Variants in MTMR9 observed in about 807,000 individuals in gnomAD.
MTMR9 encodes myotubularin-related protein 9.
Under a neutral mutation model 69.5 loss-of-function variants are expected in MTMR9, and 39 were observed. The ratio of observed to expected loss-of-function variants is 0.56; its 90% CI spans 0.43 to 0.73. MTMR9 has a LOEUF of 0.73. Among genes scored for constraint, MTMR9 ranks in the 30% least tolerant of loss-of-function variants. The probability of loss-of-function intolerance (pLI) is 0.00; values close to 1 mark genes in which losing one functional copy is unlikely to be tolerated. For missense variants in MTMR9, 900 were observed against 671.2 expected, an observed-to-expected ratio of 1.34 and a Z score of -3.77; for synonymous variants, 354 against 240.8, an observed-to-expected ratio of 1.47 and a Z score of -4.35.
rs1378118508 is a variant in MTMR9, at chr8:11,314,920, C to A, written c.972-3C>A. ...TTGTACTCTTCCCTGATTTTCCTAT[C>A]AGGGAAGGAGCATCAATATTGATTC... On this transcript the variant is annotated splice_polypyrimidine_tract_variant and splice_region_variant and intron_variant, in intron 6 of 9. Transcript: ENST00000221086. 6.2e-7 allele frequency: 1 copy of A among 1,612,826 alleles called. No homozygotes were observed. The highest frequency in any genetic ancestry group is 1.3e-5 in the African/African-American group (1 of 74,876).
At chr8:11,319,118 AT>A (rs1318791110) in intron 8 of MTMR9, 6 of 152,064 alleles carry the variant, frequency 3.9e-5, no homozygotes. Flanking sequence ...AAAAAAAACA[AT>A]TAGAAAGTGG....
intron 6 of MTMR9, among the ~76,000 whole-genome samples, chr8:11,312,007 A>T (rs535130041): frequency 6.6e-6 from 1 of 151,754 alleles, no homozygotes; most frequent in Non-Finnish European, 1.5e-5. Context: ...AAGTTTCATC[A>T]TGAAATTGCA....
At chr8:11,293,237 C>T (rs545724029) in intron 1 of MTMR9, among the ~76,000 whole-genome samples, 1 of 151,948 alleles carries the variant, frequency 6.6e-6, no homozygotes, top group South Asian at 2.1e-4. Flanking sequence ...AGAAAGTTTA[C>T]CAACAAAAAT....
At position 11,300,016 on chromosome 8, in the gene MTMR9, C is replaced by A. The variant is rs185313066; in HGVS notation, c.292-7C>A. The A allele has an allele frequency of 1.2e-6, 2 of 1,601,328 alleles. No homozygotes were observed. Among genetic ancestry groups the A allele is most frequent in the Non-Finnish European group, 1.7e-6 (2 of 1,175,684 alleles). On this transcript the variant is annotated splice_region_variant and splice_polypyrimidine_tract_variant and intron_variant, in intron 2 of 9. Coordinates refer to ENST00000221086, the MANE Select transcript of MTMR9 (RefSeq NM_015458.4). ...CTTTTTTGTCTTTCTTTTCTTTTTG[C>A]CCCCAGGCATTGTCTACTCTGGACT...
rs370102243 is a variant in MTMR9 at position 11,289,486 on chromosome 8, G to GT, written c.182+4426dup. Among the ~76,000 whole-genome samples, 835 of 147,308 alleles carry GT rather than the reference G, an allele frequency of 5.7e-3. 15 individuals are homozygous for GT. Among genetic ancestry groups the GT allele is most frequent in the African/African-American group, 0.019 (779 of 40,282 alleles). On this transcript the variant is annotated intron_variant, in intron 1 of 9. Coordinates refer to ENST00000221086, the MANE Select transcript of MTMR9 (RefSeq NM_015458.4). ...TATACAAGTTTTACAGTTATACCTG[G>GT]TTTTTTTTTTAATGGACCTCAGAAA...
At chr8:11,315,948 A>C (rs1224165185) in intron 7 of MTMR9, 4 of 152,236 alleles carry the variant, frequency 2.6e-5, no homozygotes, top group Non-Finnish European at 5.9e-5. Context: ...CAGTAGTAGA[A>C]GGACCCAGAG....
downstream of MTMR9, chr8:11,331,405 TC>T (rs766599944): frequency 1.9e-6 from 3 of 1,613,830 alleles, no homozygotes; most frequent in African/African-American, 4.0e-5. Context: ...CCTCCTGACA[TC>T]CGAGGCTGGG....
chr8:11,313,763 C>T (rs1800298131), intron 6 of MTMR9, among the ~76,000 whole-genome samples: 1 of 152,076 alleles, frequency 6.6e-6, no homozygotes, highest in Non-Finnish European at 1.5e-5. Flanking sequence ...TCCTGATGCC[C>T]CCAAAACTTG....
chr8:11,329,994 C>T (rs1486729844), downstream of MTMR9, among the ~76,000 whole-genome samples: 7 of 149,992 alleles, frequency 4.7e-5, no homozygotes, highest in Non-Finnish European at 7.4e-5. Context: ...GGAGCCCCTC[C>T]GCCTGGCAGC....
intron 1 of MTMR9, among the ~76,000 whole-genome samples, chr8:11,292,608 T>C (rs974631247): frequency 6.6e-6 from 1 of 152,228 alleles, no homozygotes; most frequent in African/African-American, 2.4e-5. Context: ...TAGGGCATCT[T>C]TTCATATGCT....
chr8:11,323,049 G>T lies in MTMR9; in HGVS notation c.*261G>T. ...CATTTTATTTTTACGTGAAATAGAT[G>T]ACCTATTTAATGCCATTTGTGTTTC... On this transcript the variant is annotated 3_prime_UTR_variant, in exon 10 of 10. Transcript: ENST00000221086. 2 of 281,046 alleles carry T rather than the reference G, an allele frequency of 7.1e-6. No homozygotes were observed. The highest frequency in any genetic ancestry group is 1.3e-5 in the Non-Finnish European group (2 of 151,388). The allele number at this position is 281,046 out of a possible 1,614,324, so 17.4% of individuals were successfully genotyped here.
Position 11,306,368 on chromosome 8 carries a change from A to T in MTMR9, c.770A>T (p.His257Leu), listed in dbSNP as rs1799942018. 1 of 1,613,338 alleles carries T rather than the reference A, an allele frequency of 6.2e-7. No individual in the cohort carries two copies. ...AKGGGFEQEA[H>L]YPQWRRIHKS... ...GGAGGTGGCTTTGAACAAGAAGCTC[A>T]TTATCCTCAGTGGAGGCGAATTCAT... The change falls in exon 5 of 10, where the codon CAT becomes CTT. Residue 257 changes from histidine (H) to leucine (L), a missense_variant. Physicochemically the swap from His to Leu is moderately conservative, Grantham distance 99. Transcript: ENST00000221086.
chr8:11,305,037 T>A (rs765477042), intron 4 of MTMR9, 23 bp downstream of exon 4: 1 of 1,607,012 alleles, frequency 6.2e-7, no homozygotes, highest in Non-Finnish European at 8.5e-7. Flanking sequence ...CACTACTGCT[T>A]GATGTACTGA....
At position 11,323,419 on chromosome 8, in the gene MTMR9, T is replaced by A. The variant is rs971463532; in HGVS notation, c.*631T>A. 4.6e-5 allele frequency: 7 copies of A among 152,328 alleles called. No individual in the cohort carries two copies. The highest frequency in any genetic ancestry group is 1.4e-4 in the African/African-American group (6 of 41,578). The allele number at this position is 152,328 out of a possible 1,614,324, so 9.4% of individuals were successfully genotyped here. On this transcript the variant is annotated 3_prime_UTR_variant, in exon 10 of 10. Coordinates refer to ENST00000221086, the MANE Select transcript of MTMR9 (RefSeq NM_015458.4). ...ATTTCTACAAGGGCAACAGGTATGG[T>A]CCTCCGATATTTACATTAAGAAGAG...
chr8:11,317,591 A>T (rs1325926395), intron 8 of MTMR9: 1 of 151,982 alleles, frequency 6.6e-6, no homozygotes, highest in Non-Finnish European at 1.5e-5. Flanking sequence ...GCCAGTTCCT[A>T]ACAGGCCACG....
chr8:11,306,861 C>T (rs1799958361), intron 5 of MTMR9, among the ~76,000 whole-genome samples: 2 of 152,118 alleles, frequency 1.3e-5, no homozygotes, highest in Admixed American at 1.3e-4. Flanking sequence ...TGTGTCCCTC[C>T]TACCCCGACC....
At chr8:11,294,263 T>C (rs897920518) in intron 1 of MTMR9, among the ~76,000 whole-genome samples, 3 of 152,180 alleles carry the variant, frequency 2.0e-5, no homozygotes, top group African/African-American at 7.2e-5. Context: ...TTGAGTGCAA[T>C]GTTGACTAGA....
intron 1 of MTMR9, among the ~76,000 whole-genome samples, chr8:11,287,186 C>T (rs574681455): frequency 9.2e-5 from 14 of 152,286 alleles, no homozygotes; most frequent in African/African-American, 3.4e-4. Context: ...GTGGCTTGGG[C>T]ATATAGACGC....
intron 2 of MTMR9, among the ~76,000 whole-genome samples, chr8:11,297,293 CT>C (rs1015847301): frequency 1.3e-5 from 2 of 152,214 alleles, no homozygotes; most frequent in Non-Finnish European, 2.9e-5. Context: ...TAACACATTT[CT>C]TCCTGCCTTT....
Sources: allele counts gnomAD v4.1 joint callset (sites outside exome capture counted in the v4.1 genomes callset), GRCh38; gene constraint gnomAD v4.1.1; transcripts MANE v1.5; gene names NCBI Gene and HGNC (gene_info 2026-07-23, HGNC 2026-07-21).